The following DLGAP1 variants were observed in gnomAD, a reference collection of about 807,000 sequenced individuals.
DLGAP1 encodes the protein disks large-associated protein 1.
Under a neutral mutation model 90.8 loss-of-function variants are expected in DLGAP1, and 11 were observed. The observed-to-expected ratio is 0.12, with a 90% CI of 0.08 to 0.20. DLGAP1 has a LOEUF of 0.20. DLGAP1 is among the 10% of genes least tolerant of loss of function. The probability of loss-of-function intolerance (pLI) is 1.00; values close to 1 mark genes in which losing one functional copy is unlikely to be tolerated. For missense variants in DLGAP1, 1,050 were observed against 1,333.8 expected, an observed-to-expected ratio of 0.79 and a Z score of 3.31; for synonymous variants, 558 against 540.7, an observed-to-expected ratio of 1.03 and a Z score of -0.44.
At chr18:3,690,379 C>A (rs1226010323) in intron 7 of DLGAP1, among the ~76,000 whole-genome samples, 1 of 151,750 alleles carries the variant, frequency 6.6e-6, no homozygotes, top group Non-Finnish European at 1.5e-5. Flanking sequence ...GAGCTACCAA[C>A]CCAGGGCAAG....
At chr18:3,892,523 T>C (rs2071497731) in intron 3 of DLGAP1, among the ~76,000 whole-genome samples, 1 of 152,194 alleles carries the variant, frequency 6.6e-6, no homozygotes, top group Admixed American at 6.5e-5. Flanking sequence ...AGCCTCCTTC[T>C]TAAAATATTC....
chr18:3,514,070 G>T (rs901349613), intron 10 of DLGAP1, among the ~76,000 whole-genome samples: 5 of 151,478 alleles, frequency 3.3e-5, no homozygotes. Flanking sequence ...TAGGTCTCTA[G>T]AACTAAAAAG....
chr18:3,691,420 C>G (rs578250064), intron 7 of DLGAP1, among the ~76,000 whole-genome samples: 5 of 129,304 alleles, frequency 3.9e-5, no homozygotes, highest in East Asian at 2.3e-4. Flanking sequence ...GAGCAAGACT[C>G]TGTCTCAAAA....
chr18:4,234,175 C>T (rs1376424609), intron 1 of DLGAP1, among the ~76,000 whole-genome samples: 1 of 150,278 alleles, frequency 6.7e-6, no homozygotes, highest in Non-Finnish European at 1.5e-5. Flanking sequence ...CTAATGATTA[C>T]TAATAATGGT....
At chr18:4,167,586 T>C (rs1028713016) in intron 1 of DLGAP1, among the ~76,000 whole-genome samples, 1 of 152,168 alleles carries the variant, frequency 6.6e-6, no homozygotes. Flanking sequence ...TAATCATAGT[T>C]GGGGACTTCA....
chr18:3,877,952 A>G (rs1292414314), intron 4 of DLGAP1, among the ~76,000 whole-genome samples: 1 of 152,214 alleles, frequency 6.6e-6, no homozygotes, highest in Non-Finnish European at 1.5e-5. Flanking sequence ...CTCCAAGAAC[A>G]GGCTCTGGCA....
chr18:3,599,441 C>T (rs753851497), intron 7 of DLGAP1, among the ~76,000 whole-genome samples: 1 of 152,160 alleles, frequency 6.6e-6, no homozygotes, highest in East Asian at 1.9e-4. Context: ...TCAAGTTTGG[C>T]TAGTGGCTTT....
intron 1 of DLGAP1, among the ~76,000 whole-genome samples, chr18:4,452,986 G>T (rs1291004435): frequency 6.6e-6 from 1 of 152,096 alleles, no homozygotes; most frequent in East Asian, 1.9e-4. Context: ...GAAATATAGA[G>T]AAATAGATAG....
intron 1 of DLGAP1, among the ~76,000 whole-genome samples, chr18:4,368,108 T>C (rs921583062): frequency 5.9e-5 from 9 of 152,122 alleles, no homozygotes; most frequent in African/African-American, 2.2e-4. Flanking sequence ...AAAAAACAAT[T>C]TAAATACAAT....
chr18:3,587,762 G>A lies in DLGAP1; in HGVS notation c.1592-5514C>T, dbSNP rs568451878. Among the ~76,000 whole-genome samples the A allele has an allele frequency of 1.1e-4, 17 of 152,162 alleles. No homozygotes were observed. The South Asian group carries it at 3.3e-3, about 30-fold the overall frequency. On this transcript the variant is annotated intron_variant, in intron 7 of 12. Coordinates refer to ENST00000315677, the MANE Select transcript of DLGAP1 (RefSeq NM_004746.4). ...AAGTCAGCGAGACCACTAACCCACC[G>A]GGAGGAACAAACAACTCCGCACACA...
intron 1 of DLGAP1, among the ~76,000 whole-genome samples, chr18:4,179,622 T>C (rs191615465): frequency 3.6e-4 from 55 of 152,296 alleles, no homozygotes; most frequent in Middle Eastern, 3.4e-3. Flanking sequence ...ATGAGAAGTA[T>C]GTTATCCTAG....
intron 7 of DLGAP1, among the ~76,000 whole-genome samples, chr18:3,706,918 A>G (rs2061450965): frequency 6.6e-6 from 1 of 152,256 alleles, no homozygotes; most frequent in Non-Finnish European, 1.5e-5. Flanking sequence ...TCTACAAGAT[A>G]TCAGTGCCAC....
intron 1 of DLGAP1, among the ~76,000 whole-genome samples, chr18:4,386,575 G>A (rs1428086079): frequency 6.6e-6 from 1 of 152,178 alleles, no homozygotes; most frequent in Non-Finnish European, 1.5e-5. Flanking sequence ...ATAGCCAGTC[G>A]ACCTGTCCAA....
At chr18:4,229,136 A>G (rs146814898) in intron 1 of DLGAP1, among the ~76,000 whole-genome samples, 3 of 152,142 alleles carry the variant, frequency 2.0e-5, no homozygotes, top group African/African-American at 7.2e-5. Context: ...CAAAGAAGCG[A>G]AAGATCTATA....
intron 5 of DLGAP1, among the ~76,000 whole-genome samples, chr18:3,803,170 T>C (rs72861986): frequency 0.017 from 2,578 of 152,254 alleles, 38 homozygotes; most frequent in Non-Finnish European, 0.027. Context: ...ATGTCCACCA[T>C]TGGCTCTCAT....
intron 4 of DLGAP1, among the ~76,000 whole-genome samples, chr18:3,853,938 C>T (rs2069482633): frequency 1.3e-5 from 2 of 151,540 alleles, no homozygotes; most frequent in South Asian, 4.2e-4. Context: ...TCTTTTTTTC[C>T]CTCCTTGGTG....
Position 3,729,201 on chromosome 18 carries a change from C to G in DLGAP1, c.1525G>C (p.Val509Leu). ...EKGCSQDDEC[V>L]SLRSSSPPRT... ...GGCGGCGAGGACGACCTCAGGGACA[C>G]GCACTCGTCGTCCTGGGAGCAGCCT... Residue 509 changes from valine to leucine, a missense_variant, in exon 7 of 13, where the codon GTG (valine) becomes CTG (leucine). By Grantham distance (32) the Val-to-Leu change is conservative. Around this residue, in one of 2 missense-constraint regions of DLGAP1, gnomAD observed 565 missense variants for 879.7 expected, o/e 0.64. Coordinates refer to ENST00000315677, the MANE Select transcript of DLGAP1 (RefSeq NM_004746.4). The surrounding 1 kb of genome is among the most constrained non-coding windows in gnomAD (Gnocchi z 6.2). 15 of 1,613,764 alleles carry G rather than the reference C, an allele frequency of 9.3e-6. No homozygotes were observed. Among genetic ancestry groups the G allele is most frequent in the Non-Finnish European group, 1.2e-5 (14 of 1,179,884 alleles).
At chr18:4,136,067 C>T (rs1014060093) in intron 2 of DLGAP1, among the ~76,000 whole-genome samples, 2 of 151,504 alleles carry the variant, frequency 1.3e-5, no homozygotes, top group African/African-American at 4.9e-5. Flanking sequence ...CATCCTGTGT[C>T]GAAGTGTTCT....
At chr18:4,015,061 A>G (rs2074497744) in intron 2 of DLGAP1, among the ~76,000 whole-genome samples, 1 of 152,184 alleles carries the variant, frequency 6.6e-6, no homozygotes. Context: ...AGCTCTTGAC[A>G]GAAATATTAA....
Sources: gnomAD v4.1 joint callset for allele counts (sites outside exome capture counted in the v4.1 genomes callset) on GRCh38, gnomAD v4.1.1 for gene constraint, gnomAD v4.1.1 regional missense constraint, Gnocchi (gnomAD v3.1) non-coding constraint, MANE v1.5 for transcripts, NCBI Gene and HGNC (gene_info 2026-07-23, HGNC 2026-07-21) for gene names.